IGSF9B: variants seen among roughly 807,000 people sequenced by gnomAD.
IGSF9B encodes immunoglobulin superfamily member 9B.
IGSF9B carries 48 observed loss-of-function variants against 143.7 expected under a neutral mutation model. That is an observed-to-expected ratio of 0.33 (90% CI 0.26 to 0.42). The LOEUF (loss-of-function observed/expected upper bound fraction) is 0.42. IGSF9B is among the 20% of genes least tolerant of loss of function. The pLI, the probability that IGSF9B is intolerant of heterozygous loss-of-function variation, is 1.00. For synonymous variants in IGSF9B, 903 were observed against 833.1 expected (o/e 1.08, Z -1.44); for missense variants, 1,706 against 1,980.0 (o/e 0.86, Z 2.63).
rs764381966 is a variant in IGSF9B, at chr11:133,919,815, T to C, written c.3910A>G (p.Thr1304Ala). 1 of 1,524,360 alleles carries C rather than the reference T, an allele frequency of 6.6e-7. No homozygotes were observed. Among genetic ancestry groups the C allele is most frequent in the Admixed American group, 2.2e-5 (1 of 46,086 alleles). The allele number at this position is 1,524,360 out of a possible 1,614,324, so 94.4% of individuals were successfully genotyped here. A position where few individuals can be genotyped will look rare whatever the true frequency, so the allele number is the denominator to read the frequency against. The change falls in exon 18 of 20, where the codon ACG (threonine) becomes GCG (alanine). Residue 1304 changes from threonine to alanine, a missense_variant. Physicochemically the swap from Thr to Ala is moderately conservative, Grantham distance 58. Coordinates refer to ENST00000533871, the MANE Select transcript of IGSF9B (RefSeq NM_001277285.4). ...TCCCCCGTCCTTCGAGGGGAAGGCGTCTGTCCAAACACGTCCAAGCTGTCC... is the reference window on the plus strand; with the variant it reads ...TCCCCCGTCCTTCGAGGGGAAGGCGCCTGTCCAAACACGTCCAAGCTGTCC... ...PGDSLDVFGQ[T>A]PSPRRTGEEL...
intron 18 of IGSF9B, among the ~76,000 whole-genome samples, chr11:133,918,054 G>T (rs536832665): frequency 3.3e-5 from 5 of 151,452 alleles, no homozygotes; most frequent in Non-Finnish European, 4.4e-5. Flanking sequence ...GACGGGGGGT[G>T]GGGGGCAGAA....
chr11:133,912,599 T>C (rs1247835500), intron 18 of IGSF9B, among the ~76,000 whole-genome samples: 4 of 152,300 alleles, frequency 2.6e-5, no homozygotes, highest in South Asian at 2.1e-4. Context: ...ACTTGTCATA[T>C]ACCAACATTT....
chr11:133,937,757 C>A (rs916255190), intron 4 of IGSF9B, 53 bp downstream of exon 4: 2 of 1,579,694 alleles, frequency 1.3e-6, no homozygotes, highest in Non-Finnish European at 1.7e-6. Context: ...GGAGGCTGCC[C>A]TGGGGAAACG....
intron 18 of IGSF9B, 35 bp from the exon 19 acceptor site, chr11:133,912,042 C>T: frequency 6.7e-7 from 1 of 1,495,824 alleles, no homozygotes; most frequent in Non-Finnish European, 8.8e-7. Context: ...CAATTCAGCT[C>T]CCGGATGTGT....
Position 133,937,937 on chromosome 11 carries a change from G to A in IGSF9B, c.434C>T (p.Pro145Leu), listed in dbSNP as rs766829684. The change falls in exon 4 of 20, where the codon CCC becomes CTC. Residue 145 changes from proline to leucine, a missense_variant. Pro to Leu is a moderately conservative substitution (Grantham distance 98). This residue lies in a region of IGSF9B where 171 missense variants were observed against 213.9 expected (regional missense o/e 0.80). Coordinates refer to ENST00000533871, the MANE Select transcript of IGSF9B (RefSeq NM_001277285.4). The stretch of plus-strand genomic sequence containing the variant: ...CTCCTTGGCCTCGATGTACTGGGGG[G>A]GTGTTTCTGTAAAGGTGGGAGGGGC... The part of the protein sequence containing the change: ...INAPPTFTET[P>L]PQYIEAKEGG... The A allele has an allele frequency of 1.2e-6, 2 of 1,613,468 alleles. No individual in the cohort carries two copies. Among genetic ancestry groups the A allele is most frequent in the Middle Eastern group, 1.7e-4 (1 of 6,060 alleles).
At position 133,928,141 on chromosome 11, in the gene IGSF9B, A is replaced by G. The variant is rs1939662330; in HGVS notation, c.1632-1050T>C. Among the ~76,000 whole-genome samples, 2 of 152,050 alleles carry G rather than the reference A, an allele frequency of 1.3e-5. 1 individual carries two copies. Among genetic ancestry groups the G allele is most frequent in the East Asian group, 3.9e-4 (2 of 5,152 alleles). On this transcript the variant is annotated intron_variant, in intron 12 of 19. Transcript: ENST00000533871. This position sits in a 1 kb window ranked among gnomAD's most constrained non-coding sequence, Gnocchi z 4.7. The stretch of plus-strand genomic sequence containing the variant: ...AAGCAGCAGGGGAGCCCCAATCTAC[A>G]CCTGAGCCCCCCATCGTATGCCCAG...
At position 133,920,259 on chromosome 11, in the gene IGSF9B, C is replaced by T. The variant is rs764131054; in HGVS notation, c.3466G>A (p.Gly1156Arg). ...AATGTGCTGGGGCCGCCGTGCGCCC[C>T]CGGCTCAGCCGGCTCGGGGTAAGGC... is the stretch of plus-strand genomic sequence containing the variant. Reference protein sequence around the residue: ...VLPYPEPAEPGAHGGPSTFGL... With the variant: ...VLPYPEPAEPRAHGGPSTFGL... Residue 1156 changes from glycine (G) to arginine (R), a missense_variant, in exon 18 of 20, where the codon GGG becomes AGG. By Grantham distance (125) the Gly-to-Arg change is moderately radical (BLOSUM62 -2). Transcript: ENST00000533871. 6.6e-7 allele frequency: 1 copy of T among 1,518,630 alleles called. No individual in the cohort carries two copies. Among genetic ancestry groups the T allele is most frequent in the South Asian group, 1.3e-5 (1 of 76,274 alleles). 94.1% of individuals were successfully genotyped at this position (1,518,630 alleles called of 1,614,324 possible).
intron 15 of IGSF9B, among the ~76,000 whole-genome samples, chr11:133,924,605 A>C (rs1369392874): frequency 6.6e-6 from 1 of 152,208 alleles, no homozygotes; most frequent in African/African-American, 2.4e-5. Context: ...CAAGTGTCAG[A>C]AACTCAGCTT....
At position 133,956,813 on chromosome 11, in the gene IGSF9B, G is replaced by C. The variant is rs1940265925; in HGVS notation, c.-59C>G. 2 of 1,126,882 alleles carry C rather than the reference G, an allele frequency of 1.8e-6. No homozygotes were observed. Among genetic ancestry groups the C allele is most frequent in the South Asian group, 2.7e-5 (1 of 37,726 alleles). The allele number at this position is 1,126,882 out of a possible 1,614,324, so 69.8% of individuals were successfully genotyped here. On this transcript the variant is annotated 5_prime_UTR_variant, in exon 1 of 20. Coordinates refer to ENST00000533871, the MANE Select transcript of IGSF9B (RefSeq NM_001277285.4). ...TCGCAAAGTGCTCCCGCGCCCGCAC[G>C]CGCCTCGCGCCCGAGCGCCCGCCTC...
chr11:133,900,601 A>T lies in IGSF9B; in HGVS notation c.*8468T>A, dbSNP rs1347809034. ...TGGAGGCCAGAAGGAAGGTTCCACTAAGACCCCCTCTCCCAGGCCGGCCCA... is the reference window on the plus strand; with the variant it reads ...TGGAGGCCAGAAGGAAGGTTCCACTTAGACCCCCTCTCCCAGGCCGGCCCA... On this transcript the variant is annotated 3_prime_UTR_variant, in exon 20 of 20. Transcript: ENST00000533871. 1.3e-5 allele frequency: 2 copies of T among 152,596 alleles called. No homozygotes were observed. The highest frequency in any genetic ancestry group is 2.9e-5 in the Non-Finnish European group (2 of 68,044). 9.5% of individuals were successfully genotyped at this position (152,596 alleles called of 1,614,324 possible).
Position 133,906,853 on chromosome 11 carries a change from C to T in IGSF9B, c.*2216G>A, listed in dbSNP as rs937164993. 6.6e-6 allele frequency among the ~76,000 whole-genome samples: 1 copy of T among 152,158 alleles called. No individual in the cohort carries two copies. Among genetic ancestry groups the T allele is most frequent in the Non-Finnish European group, 1.5e-5 (1 of 68,014 alleles). On this transcript the variant is annotated 3_prime_UTR_variant, in exon 20 of 20. Transcript: ENST00000533871. ...TCACACTGCCAGTGCATAAAGGCTG[C>T]ACGTCAGCTTGCGGTAAGCCCCCAC...
At position 133,919,814 on chromosome 11, in the gene IGSF9B, G is replaced by A. The variant is rs1280861402; in HGVS notation, c.3911C>T (p.Thr1304Met). ...CTCCCCCGTCCTTCGAGGGGAAGGC[G>A]TCTGTCCAAACACGTCCAAGCTGTC... ...PGDSLDVFGQ[T>M]PSPRRTGEEL... Residue 1304 changes from threonine to methionine, a missense_variant, in exon 18 of 20, where the codon ACG becomes ATG. Physicochemically the swap from Thr to Met is moderately conservative, Grantham distance 81. Around this residue, in one of 7 missense-constraint regions of IGSF9B, gnomAD observed 880 missense variants for 762.9 expected, o/e 1.15. Coordinates refer to ENST00000533871, the MANE Select transcript of IGSF9B (RefSeq NM_001277285.4). The A allele has an allele frequency of 4.6e-6, 7 of 1,528,470 alleles. No homozygotes were observed. Among genetic ancestry groups the A allele is most frequent in the African/African-American group, 2.8e-5 (2 of 71,822 alleles). The allele number at this position is 1,528,470 out of a possible 1,614,324, so 94.7% of individuals were successfully genotyped here.
chr11:133,911,919 A>G lies in IGSF9B; in HGVS notation c.4072T>C (p.Ser1358Pro), dbSNP rs1409650621. Residue 1358 changes from serine (S) to proline (P), a missense_variant, in exon 19 of 20, where the codon TCC becomes CCC. Ser to Pro is a moderately conservative substitution (Grantham distance 74). This residue lies in a region of IGSF9B where 880 missense variants were observed against 762.9 expected (regional missense o/e 1.15). Transcript: ENST00000533871. ...TTCTTTGACTTCGAAGAGCCCTTGG[A>G]TGACTTTTTGGGCTTCTTTATCCGT... ...YQRIKKPKKS[S>P]KGSSKSKKRS... 7.2e-6 allele frequency: 11 copies of G among 1,534,698 alleles called. No individual in the cohort carries two copies. Among genetic ancestry groups the G allele is most frequent in the Non-Finnish European group, 8.7e-6 (10 of 1,146,494 alleles).
In IGSF9B at chr11:133,905,209, TA is replaced by T. The variant is rs1220282642; in HGVS notation, c.*3859del. Among the ~76,000 whole-genome samples, 1 of 152,062 alleles carries T rather than the reference TA, an allele frequency of 6.6e-6. No individual in the cohort carries two copies. Among genetic ancestry groups the T allele is most frequent in the Non-Finnish European group, 1.5e-5 (1 of 68,014 alleles). On this transcript the variant is annotated 3_prime_UTR_variant, in exon 20 of 20. Transcript: ENST00000533871. The surrounding 1 kb of genome is among the most constrained non-coding windows in gnomAD (Gnocchi z 4.0). ...TTTCCTAGGTTTCTCTACAGATTAATAAAATGTACTTTATGTACAATTCTTC... is the reference window on the plus strand; with the variant it reads ...TTTCCTAGGTTTCTCTACAGATTAATAAATGTACTTTATGTACAATTCTTC...
chr11:133,921,585 T>TA (rs1239462794), intron 17 of IGSF9B, among the ~76,000 whole-genome samples, 188 bp from the exon 18 acceptor site: 36 of 151,942 alleles, frequency 2.4e-4, no homozygotes, highest in Admixed American at 2.4e-3. Context: ...CTTTTTTTTT[T>TA]AAAGACGGGG....
chr11:133,945,439 C>A lies in IGSF9B; in HGVS notation c.262+622G>T, dbSNP rs950502756. ...CTGCTTCCTCCCTTCCTTTCAACCC[C>A]AACAACGCTCGCTCAATGACACGCA... On this transcript the variant is annotated intron_variant, in intron 2 of 19. Coordinates refer to ENST00000533871, the MANE Select transcript of IGSF9B (RefSeq NM_001277285.4). The surrounding 1 kb of genome is among the most constrained non-coding windows in gnomAD (Gnocchi z 4.6). 2.0e-5 allele frequency among the ~76,000 whole-genome samples: 3 copies of A among 152,190 alleles called. No homozygotes were observed. The highest frequency in any genetic ancestry group is 7.2e-5 in the African/African-American group (3 of 41,456).
chr11:133,926,086 C>T (rs1939620841), intron 13 of IGSF9B, 121 bp from the exon 14 acceptor site: 1 of 705,510 alleles, frequency 1.4e-6, no homozygotes, highest in African/African-American at 1.8e-5. Context: ...GGCCCGGGGC[C>T]CAGGGCTTCA....
chr11:133,955,386 C>T (rs980558615), intron 1 of IGSF9B, among the ~76,000 whole-genome samples: 1 of 152,232 alleles, frequency 6.6e-6, no homozygotes, highest in African/African-American at 2.4e-5. Flanking sequence ...GACACCACCA[C>T]CCCCCTCAGA....
At chr11:133,939,683 G>T (rs1565443204) in intron 3 of IGSF9B, among the ~76,000 whole-genome samples, 1 of 152,262 alleles carries the variant, frequency 6.6e-6, no homozygotes, top group Non-Finnish European at 1.5e-5. Flanking sequence ...CGCACGGAGG[G>T]TGGCCACTGA....
Sources: gnomAD v4.1 joint callset for allele counts (sites outside exome capture counted in the v4.1 genomes callset) on GRCh38, gnomAD v4.1.1 for gene constraint, gnomAD v4.1.1 regional missense constraint, Gnocchi (gnomAD v3.1) non-coding constraint, MANE v1.5 for transcripts, NCBI Gene and HGNC (gene_info 2026-07-23, HGNC 2026-07-21) for gene names.